SLC6A3: variants seen among roughly 807,000 people sequenced by gnomAD.
SLC6A3 encodes solute carrier family 6 member 3, also known as sodium-dependent dopamine transporter.
Under a neutral mutation model 70.4 loss-of-function variants are expected in SLC6A3, and 19 were observed. That is an observed-to-expected ratio of 0.27 (90% CI 0.19 to 0.40). The LOEUF is 0.40. Ranked by LOEUF, SLC6A3 falls within the 10% of genes least tolerant of loss-of-function variation. The pLI is 1.00. For synonymous variants in SLC6A3, 368 were observed against 356.6 expected (o/e 1.03, Z -0.36); for missense variants, 613 against 838.5 (o/e 0.73, Z 3.32).
Position 1,444,145 on chromosome 5 carries a change from C to T in SLC6A3, c.-45-903G>A, listed in dbSNP as rs529583205. ...CCACCTAGGGCAGGTGGCACCACCC[C>T]GCGTGAGAGAGCTGGGCGGAGGATG... On this transcript the variant is annotated intron_variant, in intron 1 of 14. Coordinates refer to ENST00000270349, the MANE Select transcript of SLC6A3 (RefSeq NM_001044.5). Among the ~76,000 whole-genome samples the T allele has an allele frequency of 1.6e-4, 25 of 152,318 alleles. No individual in the cohort carries two copies. In the South Asian group the frequency reaches 1.7e-3, roughly 10 times the overall value.
chr5:1,412,835 A>G (rs10052985), intron 8 of SLC6A3, among the ~76,000 whole-genome samples: 10,068 of 152,216 alleles, frequency 0.066, 936 homozygotes, highest in African/African-American at 0.21. Flanking sequence ...GGGCCTCACT[A>G]TCAGCCAAGC....
At position 1,403,050 on chromosome 5, in the gene SLC6A3, G is replaced by C; in HGVS notation, c.1639C>G (p.His547Asp). ...TCGGGGAAGATGTAGGCTCCGTAGTGGGGGGGTCTGAAGGTCACAATGCTG... is the reference window on the plus strand; with the variant it reads ...TCGGGGAAGATGTAGGCTCCGTAGTCGGGGGGTCTGAAGGTCACAATGCTG... ...VVSIVTFRPP[H>D]YGAYIFPDWA... The change falls in exon 13 of 15, where the codon CAC becomes GAC. Residue 547 changes from histidine (H) to aspartate (D), a missense_variant. By Grantham distance (81) the His-to-Asp change is moderately conservative (BLOSUM62 -1). Transcript: ENST00000270349. 6.2e-7 allele frequency: 1 copy of C among 1,613,728 alleles called. No individual in the cohort carries two copies. The highest frequency in any genetic ancestry group is 8.5e-7 in the Non-Finnish European group (1 of 1,179,898).
chr5:1,394,606 T>G lies in SLC6A3; in HGVS notation c.*129A>C, dbSNP rs1755667777. The G allele has an allele frequency of 1.1e-6, 1 of 914,212 alleles. No individual in the cohort carries two copies. Among genetic ancestry groups the G allele is most frequent in the Non-Finnish European group, 1.8e-6 (1 of 544,872 alleles). 56.6% of individuals were successfully genotyped at this position (914,212 alleles called of 1,614,324 possible). ...AGAAGAGAGGAGTCTTCTGCTTTGT[T>G]GTTTGTGTTTTCAGTAGAGGTTGAA... On this transcript the variant is annotated 3_prime_UTR_variant, in exon 15 of 15. Coordinates refer to ENST00000270349, the MANE Select transcript of SLC6A3 (RefSeq NM_001044.5). This position sits in a 1 kb window ranked among gnomAD's most constrained non-coding sequence, Gnocchi z 4.7.
In SLC6A3 at chr5:1,432,702, G is replaced by A; in HGVS notation, c.419-4C>T. On this transcript the variant is annotated splice_region_variant and splice_polypyrimidine_tract_variant and intron_variant, in intron 3 of 14. Transcript: ENST00000270349. ...AGGATGACCGTGAAGCCCACACCTAGCGGGAAGGGGGAGGCCATGGAGCCC... is the reference window on the plus strand; with the variant it reads ...AGGATGACCGTGAAGCCCACACCTAACGGGAAGGGGGAGGCCATGGAGCCC... 1 of 1,611,008 alleles carries A rather than the reference G, an allele frequency of 6.2e-7. No homozygotes were observed. Among genetic ancestry groups the A allele is most frequent in the Non-Finnish European group, 8.5e-7 (1 of 1,177,346 alleles).
Position 1,437,092 on chromosome 5 carries a change from A to C in SLC6A3, c.418+4267T>G, listed in dbSNP as rs942189494. 6.6e-6 allele frequency among the ~76,000 whole-genome samples: 1 copy of C among 152,150 alleles called. No individual in the cohort carries two copies. Among genetic ancestry groups the C allele is most frequent in the Non-Finnish European group, 1.5e-5 (1 of 68,034 alleles). On this transcript the variant is annotated intron_variant, in intron 3 of 14. Coordinates refer to ENST00000270349, the MANE Select transcript of SLC6A3 (RefSeq NM_001044.5). The surrounding 1 kb of genome is among the most constrained non-coding windows in gnomAD (Gnocchi z 4.8). ...CGATGAAACCCCGTCTCTACTAAAA[A>C]TACAAAAAATTAGCGGGGCGTGGTG...
rs774926641 is a variant in SLC6A3, at chr5:1,414,822, G to C, written c.1032-7C>G. 6.2e-7 allele frequency: 1 copy of C among 1,612,830 alleles called. No individual in the cohort carries two copies. Among genetic ancestry groups the C allele is most frequent in the South Asian group, 1.1e-5 (1 of 91,076 alleles). The stretch of plus-strand genomic sequence containing the variant: ...GGTGGTGACAATCGCGTCCCTGTAA[G>C]AACAAGACACGCCGTCTCAGGAACC... On this transcript the variant is annotated splice_region_variant and splice_polypyrimidine_tract_variant and intron_variant, in intron 7 of 14. Transcript: ENST00000270349.
intron 2 of SLC6A3, among the ~76,000 whole-genome samples, chr5:1,441,698 C>T (rs1018086130): frequency 3.3e-5 from 5 of 152,122 alleles, no homozygotes; most frequent in African/African-American, 7.2e-5. Context: ...CTCCTGGATC[C>T]CCTTGTCATT....
In SLC6A3 at chr5:1,442,075, G is replaced by C. The variant is rs1175364089; in HGVS notation, c.287-585C>G. 6.6e-6 allele frequency among the ~76,000 whole-genome samples: 1 copy of C among 151,990 alleles called. No individual in the cohort carries two copies. The highest frequency in any genetic ancestry group is 1.5e-5 in the Non-Finnish European group (1 of 67,962). On this transcript the variant is annotated intron_variant, in intron 2 of 14. Coordinates refer to ENST00000270349, the MANE Select transcript of SLC6A3 (RefSeq NM_001044.5). This position sits in a 1 kb window ranked among gnomAD's most constrained non-coding sequence, Gnocchi z 5.0. The stretch of plus-strand genomic sequence containing the variant: ...CCCAGCACAAAGCCCAGGGAACCCT[G>C]GTCTCAACCTCCTAAATTCCCTCTG...
At chr5:1,419,365 A>ATCCT (rs1351633795) in intron 6 of SLC6A3, among the ~76,000 whole-genome samples, 6 of 152,038 alleles carry the variant, frequency 3.9e-5, no homozygotes, top group South Asian at 2.1e-4. Context: ...CCATCCATCC[A>ATCCT]TCCAATCTAT....
intron 11 of SLC6A3, among the ~76,000 whole-genome samples, chr5:1,407,751 T>C (rs188965938): frequency 5.9e-4 from 90 of 152,368 alleles, no homozygotes; most frequent in Non-Finnish European, 9.8e-4. Context: ...AGACAAAGTA[T>C]TGATTCCAGA....
Position 1,414,846 on chromosome 5 carries a change from C to G in SLC6A3, c.1032-31G>C, listed in dbSNP as rs201464694. 3.0e-5 allele frequency: 49 copies of G among 1,612,482 alleles called. No individual in the cohort carries two copies. In the Admixed American group the frequency reaches 7.5e-4, roughly 25 times the overall value. On this transcript the variant is annotated intron_variant, in intron 7 of 14. Transcript: ENST00000270349. ...AGAACAAGACACGCCGTCTCAGGAA[C>G]CAGCTGAGCTGCAGCAGCTGCAATT... is the stretch of plus-strand genomic sequence containing the variant.
rs75115582 is a variant in SLC6A3 at position 1,435,920 on chromosome 5, G to A, written c.419-3222C>T. 5.6e-5 allele frequency among the ~76,000 whole-genome samples: 8 copies of A among 143,014 alleles called. No homozygotes were observed. In the South Asian group the frequency reaches 6.6e-4, roughly 12 times the overall value. 93.8% of individuals were successfully genotyped at this position (143,014 alleles called of 152,430 possible). A position where few individuals can be genotyped will look rare whatever the true frequency, so the allele number is the denominator to read the frequency against. On this transcript the variant is annotated intron_variant, in intron 3 of 14. Transcript: ENST00000270349. ...CCTGGGTGAGGAAACAGCCTTGAAC[G>A]GTGGTGGCCAGTCCCCTCCTGGATG...
In SLC6A3 at chr5:1,409,861, G is replaced by C; in HGVS notation, c.1270-12C>G. Reference sequence around the variant, plus strand: ...TCCATACCACCCATCTGCACACAGAGCACAGGGTCGGGCTGCAGGCTGGCG... The same window carrying C: ...TCCATACCACCCATCTGCACACAGACCACAGGGTCGGGCTGCAGGCTGGCG... On this transcript the variant is annotated splice_polypyrimidine_tract_variant and intron_variant, in intron 9 of 14. Coordinates refer to ENST00000270349, the MANE Select transcript of SLC6A3 (RefSeq NM_001044.5). 1.2e-6 allele frequency: 2 copies of C among 1,613,024 alleles called. No homozygotes were observed. The highest frequency in any genetic ancestry group is 1.7e-6 in the Non-Finnish European group (2 of 1,180,016).
Position 1,413,269 on chromosome 5 carries a change from G to A in SLC6A3, c.1156+1422C>T, listed in dbSNP as rs1326637828. ...TATTTGCAGATGTTCCCTTTCTCCC[G>A]CTTTGACTGAATTTTTTTTCCTAGT... On this transcript the variant is annotated intron_variant, in intron 8 of 14. Coordinates refer to ENST00000270349, the MANE Select transcript of SLC6A3 (RefSeq NM_001044.5). The surrounding 1 kb of genome is among the most constrained non-coding windows in gnomAD (Gnocchi z 7.1). Among the ~76,000 whole-genome samples the A allele has an allele frequency of 6.6e-6, 1 of 152,138 alleles. No individual in the cohort carries two copies. The highest frequency in any genetic ancestry group is 2.4e-5 in the African/African-American group (1 of 41,426).
rs149444784 is a variant in SLC6A3, at chr5:1,432,512, G to C, written c.605C>G (p.Ser202Trp). 32 of 1,614,098 alleles carry C rather than the reference G, an allele frequency of 2.0e-5. No individual in the cohort carries two copies. In the African/African-American group the frequency reaches 3.7e-4, roughly 19 times the overall value. ...AHPGDSSGDS[S>W]GLNDTFGTTP... ...GGTCCCAAAAGTGTCGTTGAGGCCC[G>C]AGCTGTCTCCACTGGAGTCACCAGG... is the stretch of plus-strand genomic sequence containing the variant. Residue 202 changes from serine (S) to tryptophan (W), a missense_variant, in exon 4 of 15, where the codon TCG (serine) becomes TGG (tryptophan). This residue lies in a region of SLC6A3 where 153 missense variants were observed against 249.4 expected (regional missense o/e 0.61). Coordinates refer to ENST00000270349, the MANE Select transcript of SLC6A3 (RefSeq NM_001044.5).
At chr5:1,395,783 C>T (rs1020887155) in intron 14 of SLC6A3, among the ~76,000 whole-genome samples, 2 of 152,264 alleles carry the variant, frequency 1.3e-5, no homozygotes, top group Non-Finnish European at 2.9e-5. Flanking sequence ...CTTGGGACTT[C>T]AGCTGTGAGT....
At chr5:1,424,449 G>A (rs1371482089) in intron 4 of SLC6A3, among the ~76,000 whole-genome samples, 40 of 152,096 alleles carry the variant, frequency 2.6e-4, no homozygotes, top group Non-Finnish European at 1.5e-4. Context: ...TGTGCAGCCC[G>A]GACCACTCCT....
At chr5:1,441,630 G>A (rs948610475) in intron 2 of SLC6A3, 140 bp from the exon 3 acceptor site, 61 of 993,326 alleles carry the variant, frequency 6.1e-5, no homozygotes, top group Admixed American at 3.6e-4. Flanking sequence ...GAAGTCCCAG[G>A]CTAGGGTAGA....
At position 1,421,460 on chromosome 5, in the gene SLC6A3, A is replaced by G. The variant is rs1249263475; in HGVS notation, c.792+416T>C. Among the ~76,000 whole-genome samples, 1 of 152,188 alleles carries G rather than the reference A, an allele frequency of 6.6e-6. No individual in the cohort carries two copies. The highest frequency in any genetic ancestry group is 2.4e-5 in the African/African-American group (1 of 41,454). ...CCAAAGTATTTTTATCAACAAAAAA[A>G]TCATCTTGTGTGTGCCTTCCTGCCA... On this transcript the variant is annotated intron_variant, in intron 5 of 14. Coordinates refer to ENST00000270349, the MANE Select transcript of SLC6A3 (RefSeq NM_001044.5). This position sits in a 1 kb window ranked among gnomAD's most constrained non-coding sequence, Gnocchi z 7.2.
Sources: allele counts gnomAD v4.1 joint callset (sites outside exome capture counted in the v4.1 genomes callset), GRCh38; gene constraint gnomAD v4.1.1; regional missense constraint gnomAD v4.1.1; non-coding constraint Gnocchi (gnomAD v3.1); transcripts MANE v1.5; gene names NCBI Gene and HGNC (gene_info 2026-07-23, HGNC 2026-07-21).